The following COBLL1 variants were observed in gnomAD, a reference collection of about 807,000 sequenced individuals.
COBLL1 encodes the protein cordon-bleu WH2 repeat protein like 1.
In COBLL1, 50 loss-of-function variants were observed where a neutral mutation model predicts 94.8. That is an observed-to-expected ratio of 0.53 (90% CI 0.42 to 0.67). The LOEUF is 0.67. Ranked by LOEUF, COBLL1 falls within the 30% of genes least tolerant of loss-of-function variation. The pLI is 0.00. For synonymous variants in COBLL1, 448 were observed against 473.8 expected (o/e 0.95, Z 0.71); for missense variants, 1,362 against 1,348.7 (o/e 1.01, Z -0.15).
intron 2 of COBLL1, chr2:164,837,541 T>C (rs181025635): frequency 7.1e-5 from 31 of 437,452 alleles, no homozygotes; most frequent in Admixed American, 5.0e-4. Context: ...TTCCACTTCA[T>C]AGAAACAAAT....
intron 2 of COBLL1, among the ~76,000 whole-genome samples, chr2:164,796,111 C>G (rs1219309829): frequency 6.6e-6 from 1 of 152,130 alleles, no homozygotes; most frequent in East Asian, 1.9e-4. Flanking sequence ...CAAGTTAACA[C>G]CACCACAAAG....
chr2:164,839,938 ATAAT>A (rs780702166), intron 2 of COBLL1, among the ~76,000 whole-genome samples: 50 of 152,238 alleles, frequency 3.3e-4, no homozygotes, highest in Non-Finnish European at 4.6e-4. Flanking sequence ...GCAAAATGAA[ATAAT>A]TAATACACTA....
intron 3 of COBLL1, among the ~76,000 whole-genome samples, chr2:164,742,814 C>T (rs372658326): frequency 1.3e-5 from 2 of 151,260 alleles, no homozygotes; most frequent in Admixed American, 6.6e-5. Flanking sequence ...AATGCAATAC[C>T]CAATATATTC....
intron 3 of COBLL1, among the ~76,000 whole-genome samples, chr2:164,740,991 A>G (rs12692745): frequency 0.65 from 98,568 of 152,020 alleles, 33,761 homozygotes; most frequent in African/African-American, 0.89. Context: ...ATACACAAAG[A>G]AGGGCCAGGC....
At position 164,704,402 on chromosome 2, in the gene COBLL1, C is replaced by A. The variant is rs148412789; in HGVS notation, c.1225+42G>T. On this transcript the variant is annotated intron_variant, in intron 9 of 13. Transcript: ENST00000652658. ...CTCATTTCTCAATTATCATGGACGTCCTTTTTCAGTAATTACACCATGTAG... is the reference window on the plus strand; with the variant it reads ...CTCATTTCTCAATTATCATGGACGTACTTTTTCAGTAATTACACCATGTAG... 2.8e-5 allele frequency: 36 copies of A among 1,268,716 alleles called. No homozygotes were observed. In the African/African-American group the frequency reaches 4.7e-4, roughly 17 times the overall value. The allele number at this position is 1,268,716 out of a possible 1,614,324, so 78.6% of individuals were successfully genotyped here.
intron 2 of COBLL1, among the ~76,000 whole-genome samples, chr2:164,785,840 T>A (rs1010381852): frequency 1.3e-5 from 2 of 151,606 alleles, no homozygotes; most frequent in African/African-American, 4.8e-5. Context: ...GGAAGCTGAT[T>A]CAGGGGCATA....
chr2:164,799,835 C>T (rs1683669234), intron 2 of COBLL1, among the ~76,000 whole-genome samples: 1 of 152,100 alleles, frequency 6.6e-6, no homozygotes, highest in Non-Finnish European at 1.5e-5. Context: ...AAAGGCAATT[C>T]ATTAGAGAAA....
At chr2:164,737,607 C>T (rs962269321) in intron 3 of COBLL1, among the ~76,000 whole-genome samples, 1 of 149,190 alleles carries the variant, frequency 6.7e-6, no homozygotes, top group African/African-American at 2.5e-5. Flanking sequence ...AAAAAAATTA[C>T]CCTGCTATAA....
chr2:164,743,557 T>TA (rs1686704037), intron 3 of COBLL1, 130 bp downstream of exon 3: 2 of 724,124 alleles, frequency 2.8e-6, no homozygotes, highest in African/African-American at 1.8e-5. Flanking sequence ...TCTTTTTTTT[T>TA]AACAGGTAAC....
At chr2:164,779,610 C>A (rs1446514085) in intron 2 of COBLL1, 2 of 467,782 alleles carry the variant, frequency 4.3e-6, no homozygotes, top group Non-Finnish European at 4.4e-6. Context: ...CCACAGGACG[C>A]TTCCCAGCCT....
chr2:164,726,901 A>C (rs1574479211), intron 5 of COBLL1, among the ~76,000 whole-genome samples: 1 of 152,216 alleles, frequency 6.6e-6, no homozygotes, highest in African/African-American at 2.4e-5. Flanking sequence ...CATTTGTTGA[A>C]ATGAAATTAT....
rs1008317112 is a variant in COBLL1, at chr2:164,683,270, A to C, written c.*2676T>G. 1 of 152,058 alleles carries C rather than the reference A, an allele frequency of 6.6e-6. No homozygotes were observed. Among genetic ancestry groups the C allele is most frequent in the Non-Finnish European group, 1.5e-5 (1 of 67,998 alleles). 9.4% of individuals were successfully genotyped at this position (152,058 alleles called of 1,614,324 possible). ...GGAAAAGCAAAATGCCTAGATGCTA[A>C]AAATTATACATGAAAGTCAAAAGTT... On this transcript the variant is annotated 3_prime_UTR_variant, in exon 14 of 14. Transcript: ENST00000652658.
chr2:164,721,098 T>C (rs1336816881), intron 7 of COBLL1, among the ~76,000 whole-genome samples: 1 of 152,246 alleles, frequency 6.6e-6, no homozygotes, highest in African/African-American at 2.4e-5. Flanking sequence ...TTTAAAACTA[T>C]GGTTAATTTT....
chr2:164,820,875 G>A (rs1393777293), intron 2 of COBLL1, among the ~76,000 whole-genome samples: 1 of 151,960 alleles, frequency 6.6e-6, no homozygotes, highest in Non-Finnish European at 1.5e-5. Context: ...AAATGACATG[G>A]ACAATTTTTT....
At chr2:164,725,063 C>T (rs1685645597) in intron 5 of COBLL1, 1 of 146,068 alleles carries the variant, frequency 6.8e-6, no homozygotes. Context: ...ACTCTGAGCC[C>T]TTTTTCTCAT....
intron 2 of COBLL1, among the ~76,000 whole-genome samples, chr2:164,788,839 C>CAAAAAAAAAAAAAAAAA (rs34224594): frequency 7.1e-6 from 1 of 140,414 alleles, no homozygotes. Flanking sequence ...TATGTTTAAC[C>CAAAAAAAAAAAAAAAAA]AAAAAAAAAA....
In COBLL1 at chr2:164,694,613, GA is replaced by G; in HGVS notation, c.2778del (p.Pro927HisfsTer25). 1 of 1,613,890 alleles carries G rather than the reference GA, an allele frequency of 6.2e-7. No homozygotes were observed. The highest frequency in any genetic ancestry group is 8.5e-7 in the Non-Finnish European group (1 of 1,179,952). On this transcript the variant is annotated frameshift_variant, in exon 12 of 14. Coordinates refer to ENST00000652658, the MANE Select transcript of COBLL1 (RefSeq NM_001365672.2). LOFTEE classifies it high-confidence loss of function. ...LSPLSKMPHS[V>X]PQPLVEKTDD... Reference sequence around the variant, plus strand: ...TCAGTTTTTTCAACAAGGGGTTGTGGAACAGAGTGAGGCATTTTACTTAAGG... The same window carrying G: ...TCAGTTTTTTCAACAAGGGGTTGTGGACAGAGTGAGGCATTTTACTTAAGG...
chr2:164,834,545 T>C (rs190494763), intron 2 of COBLL1, among the ~76,000 whole-genome samples: 2 of 152,242 alleles, frequency 1.3e-5, no homozygotes, highest in African/African-American at 2.4e-5. Flanking sequence ...AGAAGTCTCC[T>C]GTATGCAATA....
At chr2:164,796,962 G>A (rs982958623) in intron 2 of COBLL1, among the ~76,000 whole-genome samples, 4 of 152,042 alleles carry the variant, frequency 2.6e-5, no homozygotes, top group South Asian at 2.1e-4. Context: ...ACAACAGAAC[G>A]AGACCCTACC....
Sources: allele counts gnomAD v4.1 joint callset (sites outside exome capture counted in the v4.1 genomes callset), GRCh38; gene constraint gnomAD v4.1.1; transcripts MANE v1.5; gene names NCBI Gene and HGNC (gene_info 2026-07-23, HGNC 2026-07-21).